Variants in HHAT observed in about 807,000 individuals in gnomAD.
The protein encoded by HHAT is hedgehog acyltransferase, also known as protein-cysteine N-palmitoyltransferase HHAT.
In HHAT, 47 loss-of-function variants were observed where a neutral mutation model predicts 70.8. The observed-to-expected ratio is 0.66, with a 90% CI of 0.53 to 0.85. The LOEUF is 0.85. Among genes scored for constraint, HHAT ranks in the 40% least tolerant of loss-of-function variants. The pLI, the probability that HHAT is intolerant of heterozygous loss-of-function variation, is 0.00. For synonymous variants in HHAT, 228 were observed against 247.6 expected, an observed-to-expected ratio of 0.92 and a Z score of 0.74; for missense variants, 609 against 604.8, an observed-to-expected ratio of 1.01 and a Z score of -0.07.
rs79596323 is a variant in HHAT at position 210,486,616 on chromosome 1, C to T, written c.1007+21961C>T. ...CAGTGTGGGGGAAGCACAGTGTTTC[C>T]TATACGTCAGGCTAACTTCTAAGGT... On this transcript the variant is annotated intron_variant, in intron 8 of 11. Transcript: ENST00000261458. Among the ~76,000 whole-genome samples, 546 of 152,230 alleles carry T rather than the reference C, an allele frequency of 3.6e-3. 20 individuals carry two copies. In the East Asian group the frequency reaches 0.093, roughly 26 times the overall value.
intron 3 of HHAT, among the ~76,000 whole-genome samples, chr1:210,381,284 T>C (rs1322964268): frequency 6.6e-6 from 1 of 152,004 alleles, no homozygotes; most frequent in Non-Finnish European, 1.5e-5. Flanking sequence ...AAAAATTTTT[T>C]ACTTTTATTT....
intron 10 of HHAT, among the ~76,000 whole-genome samples, chr1:210,591,034 A>G (rs1313755206): frequency 1.3e-5 from 2 of 152,184 alleles, no homozygotes; most frequent in Non-Finnish European, 2.9e-5. Flanking sequence ...TGGGGTATCC[A>G]TCATCTCAAG....
In HHAT at chr1:210,628,772, A is replaced by G. The variant is rs567731869; in HGVS notation, c.1390+5102A>G. Among the ~76,000 whole-genome samples the G allele has an allele frequency of 3.7e-4, 56 of 152,310 alleles. 1 individual carries two copies. The South Asian group carries it at 0.012, about 32-fold the overall frequency. On this transcript the variant is annotated intron_variant, in intron 11 of 11. Coordinates refer to ENST00000261458, the MANE Select transcript of HHAT (RefSeq NM_018194.6). ...TGTCTCCTAACTCAAATGGTTCTGG[A>G]CAGGCATTTTATTTAAAGCTGAACT... is the stretch of plus-strand genomic sequence containing the variant.
At position 210,464,568 on chromosome 1, in the gene HHAT, C is replaced by T. The variant is rs749060244; in HGVS notation, c.920C>T (p.Pro307Leu). ...AAGTACTTGGTGCTCTTTGGCGTGC[C>T]TGCTCTGCTCATGCGCCTGGATGGA... ...YVKYLVLFGV[P>L]ALLMRLDGLT... Residue 307 changes from proline (P) to leucine (L), a missense_variant, in exon 8 of 12, where the codon CCT becomes CTT. Coordinates refer to ENST00000261458, the MANE Select transcript of HHAT (RefSeq NM_018194.6). 3.1e-6 allele frequency: 5 copies of T among 1,614,052 alleles called. No homozygotes were observed. The highest frequency in any genetic ancestry group is 4.2e-6 in the Non-Finnish European group (5 of 1,180,026).
intron 8 of HHAT, among the ~76,000 whole-genome samples, chr1:210,496,361 C>T (rs918975114): frequency 6.6e-6 from 1 of 152,098 alleles, no homozygotes; most frequent in African/African-American, 2.4e-5. Flanking sequence ...TAAGACAGAA[C>T]AAGAGAGTGC....
At chr1:210,625,314 A>G (rs1022788366) in intron 11 of HHAT, among the ~76,000 whole-genome samples, 2 of 152,204 alleles carry the variant, frequency 1.3e-5, no homozygotes, top group Non-Finnish European at 2.9e-5. Context: ...TGATAAGAAC[A>G]TTGTGACTTG....
At chr1:210,346,070 GAAAA>G (rs10616850) in intron 1 of HHAT, among the ~76,000 whole-genome samples, 15 of 129,672 alleles carry the variant, frequency 1.2e-4, no homozygotes, top group South Asian at 2.5e-4. Context: ...TCTCCAGGAA[GAAAA>G]AAAAAAAAAA....
chr1:210,402,675 C>T (rs536822376), intron 5 of HHAT, among the ~76,000 whole-genome samples: 41 of 152,314 alleles, frequency 2.7e-4, no homozygotes, highest in Non-Finnish European at 2.5e-4. Flanking sequence ...ACTGCACACA[C>T]CTATCCCTTC....
At chr1:210,605,278 CAGTT>C (rs970677448) in intron 10 of HHAT, among the ~76,000 whole-genome samples, 3 of 152,192 alleles carry the variant, frequency 2.0e-5, no homozygotes, top group Admixed American at 6.5e-5. Flanking sequence ...TCTCAGAACA[CAGTT>C]AGTTAAATGA....
intron 10 of HHAT, among the ~76,000 whole-genome samples, chr1:210,591,993 TTTGTTGA>T (rs1661824330): frequency 6.6e-6 from 1 of 152,116 alleles, no homozygotes; most frequent in Admixed American, 6.6e-5. Flanking sequence ...GTCTCTTCAC[TTTGTTGA>T]TTGTTTCCTT....
chr1:210,555,557 T>C (rs1254838370), intron 9 of HHAT, among the ~76,000 whole-genome samples: 2 of 152,232 alleles, frequency 1.3e-5, no homozygotes, highest in African/African-American at 4.8e-5. Context: ...AGTTAGGAAA[T>C]TGTGAGAAGA....
At chr1:210,590,363 C>T (rs1055930256) in intron 10 of HHAT, 2 of 151,868 alleles carry the variant, frequency 1.3e-5, no homozygotes, top group Non-Finnish European at 2.9e-5. Flanking sequence ...ATTATGCATG[C>T]CCCTCACATC....
chr1:210,582,636 A>G (rs796759266), intron 9 of HHAT, among the ~76,000 whole-genome samples: 54 of 152,296 alleles, frequency 3.5e-4, no homozygotes, highest in African/African-American at 1.3e-3. Context: ...CATAGTAGGT[A>G]TGAGGGAGCT....
chr1:210,611,107 A>G (rs1040689769), intron 10 of HHAT, among the ~76,000 whole-genome samples: 13 of 152,186 alleles, frequency 8.5e-5, no homozygotes, highest in African/African-American at 2.9e-4. Context: ...TTTGGGCAGT[A>G]TGGCCATTTT....
At chr1:210,666,400 A>T (rs1307072336) in intron 11 of HHAT, among the ~76,000 whole-genome samples, 1 of 152,140 alleles carries the variant, frequency 6.6e-6, no homozygotes, top group Non-Finnish European at 1.5e-5. Flanking sequence ...TGATTAGGGG[A>T]GCCCAGTGTT....
At chr1:210,549,671 C>G (rs914237697) in intron 9 of HHAT, among the ~76,000 whole-genome samples, 1 of 147,670 alleles carries the variant, frequency 6.8e-6, no homozygotes, top group African/African-American at 2.5e-5. Flanking sequence ...AATAATACAT[C>G]TCTGTTTACC....
intron 1 of HHAT, among the ~76,000 whole-genome samples, chr1:210,337,104 T>C (rs2085571813): frequency 6.6e-6 from 1 of 152,190 alleles, no homozygotes; most frequent in South Asian, 2.1e-4. Context: ...CTTAGAGTTA[T>C]GTTTGATTAT....
intron 9 of HHAT, among the ~76,000 whole-genome samples, chr1:210,555,947 T>C (rs74932711): frequency 6.4e-4 from 97 of 152,332 alleles, no homozygotes; most frequent in African/African-American, 2.2e-3. Flanking sequence ...TTAATGTCGA[T>C]GTTTGGAGGC....
chr1:210,523,379 G>C, intron 9 of HHAT, among the ~76,000 whole-genome samples: 1 of 152,150 alleles, frequency 6.6e-6, no homozygotes, highest in Non-Finnish European at 1.5e-5. Context: ...CATCTCAGAT[G>C]CTGCCTTCTC....
Sources: allele counts gnomAD v4.1 joint callset (sites outside exome capture counted in the v4.1 genomes callset), GRCh38; gene constraint gnomAD v4.1.1; transcripts MANE v1.5; gene names NCBI Gene and HGNC (gene_info 2026-07-23, HGNC 2026-07-21).